Variants in USP24 observed in about 807,000 individuals in gnomAD.
USP24 encodes the protein ubiquitin specific peptidase 24.
A neutral mutation model predicts 361.6 loss-of-function variants in USP24; 97 were observed. The ratio of observed to expected loss-of-function variants is 0.27; its 90% CI spans 0.23 to 0.32. The LOEUF is 0.32. USP24 is among the 10% of genes least tolerant of loss of function. The pLI is 1.00. For synonymous variants in USP24, 1,098 were observed against 1,124.6 expected, an observed-to-expected ratio of 0.98 and a Z score of 0.47; for missense variants, 2,353 against 3,165.6, an observed-to-expected ratio of 0.74 and a Z score of 6.16.
At chr1:55,098,832 G>C (rs1409981784) in intron 45 of USP24, among the ~76,000 whole-genome samples, 1 of 152,120 alleles carries the variant, frequency 6.6e-6, no homozygotes, top group East Asian at 1.9e-4. Flanking sequence ...TGTGCTACAA[G>C]GACCAAGTTA....
intron 32 of USP24, 55 bp from the exon 33 acceptor site, chr1:55,125,813 T>A: frequency 1.4e-6 from 2 of 1,442,926 alleles, no homozygotes; most frequent in Non-Finnish European, 1.9e-6. Context: ...TTTTTTCATT[T>A]TAAATTTTCC....
chr1:55,084,592 T>C (rs748583494), intron 56 of USP24, among the ~76,000 whole-genome samples: 3 of 152,208 alleles, frequency 2.0e-5, no homozygotes, highest in Non-Finnish European at 4.4e-5. Context: ...ATGGTATTCA[T>C]ACTTCTGCAA....
At chr1:55,150,247 C>T (rs1480148174) in intron 16 of USP24, among the ~76,000 whole-genome samples, 1 of 152,158 alleles carries the variant, frequency 6.6e-6, no homozygotes, top group Non-Finnish European at 1.5e-5. Context: ...AGTGTGCTCC[C>T]ATGAAGTTGT....
chr1:55,151,542 T>C (rs546692901), intron 16 of USP24, among the ~76,000 whole-genome samples: 1 of 152,146 alleles, frequency 6.6e-6, no homozygotes, highest in Non-Finnish European at 1.5e-5. Context: ...GGCCTGAAGA[T>C]AAACAACTTA....
chr1:55,172,661 T>A, intron 3 of USP24, 141 bp from the exon 4 acceptor site: 1 of 854,206 alleles, frequency 1.2e-6, no homozygotes, highest in Non-Finnish European at 1.7e-6. Context: ...AAAAGACCCA[T>A]AGCTGTAGTT....
At position 55,215,036 on chromosome 1, in the gene USP24, G is replaced by C. The variant is rs756919153; in HGVS notation, c.78C>G (p.Ala26=). 6.8e-7 allele frequency: 1 copy of C among 1,473,952 alleles called. No individual in the cohort carries two copies. Among genetic ancestry groups the C allele is most frequent in the South Asian group, 1.3e-5 (1 of 76,496 alleles). The allele number at this position is 1,473,952 out of a possible 1,614,324, so 91.3% of individuals were successfully genotyped here. Residue 26 remains alanine, a synonymous_variant, in exon 1 of 68, where the codon GCC becomes GCG. Coordinates refer to ENST00000294383, the MANE Select transcript of USP24 (RefSeq NM_015306.3). ...TAATGTCGTTCTTGGCCAGGCGCAG[G>C]GCCTTGCGGATGGTGGCGGGGTCTG... The part of the protein sequence containing the change: ...GFSDPATIRK[A]LRLAKNDINE...
chr1:55,099,825 C>A lies in USP24; in HGVS notation c.5316G>T (p.Gln1772His). 6.4e-7 allele frequency: 1 copy of A among 1,558,964 alleles called. No individual in the cohort carries two copies. The stretch of plus-strand genomic sequence containing the variant: ...GACTAGTAAAGAATTCATATGCATC[C>A]TGCTGTTCTCTCACATAAAGTTCTT... ...WNKELYVREQQDAYEFFTSLI... is the reference protein window; with the variant it reads ...WNKELYVREQHDAYEFFTSLI... Residue 1772 changes from glutamine (Q) to histidine (H), a missense_variant, in exon 45 of 68, where the codon CAG (glutamine) becomes CAT (histidine). Coordinates refer to ENST00000294383, the MANE Select transcript of USP24 (RefSeq NM_015306.3).
At chr1:55,095,545 T>C in intron 50 of USP24, 149 bp from the exon 51 acceptor site, 2 of 862,288 alleles carry the variant, frequency 2.3e-6, no homozygotes, top group South Asian at 3.7e-5. Flanking sequence ...TGAGTGTCTT[T>C]AGAGTACTGC....
chr1:55,159,875 C>T (rs17111684), intron 8 of USP24, among the ~76,000 whole-genome samples, 190 bp from the exon 9 acceptor site: 5,451 of 152,254 alleles, frequency 0.036, 308 homozygotes, highest in African/African-American at 0.12. Flanking sequence ...ATCTTAGGTG[C>T]CTCAGCTTCT....
intron 57 of USP24, 73 bp downstream of exon 57, chr1:55,083,697 ACT>A (rs1177197366): frequency 1.5e-5 from 16 of 1,073,084 alleles, no homozygotes; most frequent in Non-Finnish European, 2.0e-5. Flanking sequence ...ATAGAACTTT[ACT>A]ATCCAGTCTA....
chr1:55,076,960 C>G (rs1645041920), intron 62 of USP24, among the ~76,000 whole-genome samples: 1 of 152,128 alleles, frequency 6.6e-6, no homozygotes, highest in African/African-American at 2.4e-5. Flanking sequence ...CAGGGGTTAA[C>G]CATCACTATC....
chr1:55,111,845 A>T (rs1433805524), intron 38 of USP24, among the ~76,000 whole-genome samples: 1 of 152,124 alleles, frequency 6.6e-6, no homozygotes, highest in East Asian at 1.9e-4. Context: ...CAGAAGGTTA[A>T]ATGTTTCAAA....
At chr1:55,121,318 C>A (rs1227869751) in intron 37 of USP24, 118 bp downstream of exon 37, 2 of 835,390 alleles carry the variant, frequency 2.4e-6, no homozygotes, top group Non-Finnish European at 3.7e-6. Context: ...CCCCTTCGTA[C>A]ACTCCCTGAG....
In USP24 at chr1:55,107,384, T is replaced by G; in HGVS notation, c.4617A>C (p.Glu1539Asp). The change falls in exon 40 of 68, where the codon GAA becomes GAC. Residue 1539 changes from glutamate to aspartate, a missense_variant. Coordinates refer to ENST00000294383, the MANE Select transcript of USP24 (RefSeq NM_015306.3). ...AGTTATCCAGCCAAGTAATCTCATC[T>G]TCAAGCATCGTAGCTGGGCTGATCC... is the stretch of plus-strand genomic sequence containing the variant. ...QLRISPATML[E>D]DEITWLDNFE... is the part of the protein sequence containing the mutation. 1.2e-6 allele frequency: 2 copies of G among 1,613,696 alleles called. No individual in the cohort carries two copies. Among genetic ancestry groups the G allele is most frequent in the Non-Finnish European group, 1.7e-6 (2 of 1,179,754 alleles).
chr1:55,096,757 AC>A, intron 49 of USP24, 135 bp from the exon 50 acceptor site: 3 of 1,406,774 alleles, frequency 2.1e-6, no homozygotes, highest in Non-Finnish European at 2.9e-6. Context: ...ATATGTAGCA[AC>A]AATTATTTCA....
chr1:55,132,786 T>C (rs939505070), intron 30 of USP24, 86 bp from the exon 31 acceptor site: 10 of 1,342,424 alleles, frequency 7.4e-6, no homozygotes, highest in Non-Finnish European at 1.0e-5. Flanking sequence ...CCTAATATTC[T>C]TTCCCTCTTT....
chr1:55,188,023 A>C (rs1328496075), intron 1 of USP24, among the ~76,000 whole-genome samples: 11 of 152,352 alleles, frequency 7.2e-5, no homozygotes, highest in South Asian at 2.1e-4. Context: ...ATAGTAATCA[A>C]GACAATCTGG....
intron 38 of USP24, among the ~76,000 whole-genome samples, chr1:55,119,570 A>T (rs1382394334): frequency 6.6e-6 from 1 of 152,028 alleles, no homozygotes; most frequent in African/African-American, 2.4e-5. Context: ...TGTTATGTAT[A>T]TTTACCACAA....
intron 38 of USP24, among the ~76,000 whole-genome samples, chr1:55,111,406 A>G (rs956129232): frequency 4.6e-5 from 7 of 152,086 alleles, no homozygotes; most frequent in African/African-American, 1.7e-4. Context: ...AAAAACATGT[A>G]CTTATATTAA....
Sources: gnomAD v4.1 joint callset for allele counts (sites outside exome capture counted in the v4.1 genomes callset) on GRCh38, gnomAD v4.1.1 for gene constraint, MANE v1.5 for transcripts, NCBI Gene and HGNC (gene_info 2026-07-23, HGNC 2026-07-21) for gene names.